The following FAT3 variants were observed in gnomAD, a reference collection of about 807,000 sequenced individuals.
FAT3 encodes FAT atypical cadherin 3.
FAT3 carries 95 observed loss-of-function variants against 310.2 expected under a neutral mutation model. The observed-to-expected ratio is 0.31, with a 90% CI of 0.26 to 0.36. The LOEUF (loss-of-function observed/expected upper bound fraction) is 0.36. FAT3 is among the 10% of genes least tolerant of loss of function. The pLI, the probability that FAT3 is intolerant of heterozygous loss-of-function variation, is 1.00. For missense variants in FAT3, 5,408 were observed against 5,715.6 expected (o/e 0.95, Z 1.74); for synonymous variants, 2,314 against 2,192.9 (o/e 1.06, Z -1.54).
intron 3 of FAT3, among the ~76,000 whole-genome samples, chr11:92,592,572 G>C (rs995779800): frequency 6.6e-6 from 1 of 151,824 alleles, no homozygotes; most frequent in South Asian, 2.1e-4. Flanking sequence ...TGCCTGGCTC[G>C]CCCTCCCAAA....
chr11:92,558,895 G>A (rs1955117466), intron 3 of FAT3, among the ~76,000 whole-genome samples: 4 of 152,190 alleles, frequency 2.6e-5, no homozygotes, highest in Admixed American at 1.3e-4. Context: ...AAAGTCTTTG[G>A]TGCATAGTAA....
In FAT3 at chr11:92,800,649, A is replaced by G; in HGVS notation, c.7636A>G (p.Ile2546Val). Reference sequence around the variant, plus strand: ...TGACTTTGCCAAGGATCGATTCCTCATAGACAGCAATGGGCAGGTCATCAC... The same window carrying G: ...TGACTTTGCCAAGGATCGATTCCTCGTAGACAGCAATGGGCAGGTCATCAC... ...INDFAKDRFL[I>V]DSNGQVITTE... The change falls in exon 10 of 28, where the codon ATA (isoleucine) becomes GTA (valine). Residue 2546 changes from isoleucine (I) to valine (V), a missense_variant. Physicochemically the swap from Ile to Val is conservative, Grantham distance 29. This residue lies in a region of FAT3 where 4,588 missense variants were observed against 4,809.8 expected (regional missense o/e 0.95). Transcript: ENST00000525166. The G allele has an allele frequency of 4.3e-6, 7 of 1,613,782 alleles. No individual in the cohort carries two copies. Among genetic ancestry groups the G allele is most frequent in the Non-Finnish European group, 5.9e-6 (7 of 1,179,826 alleles).
intron 2 of FAT3, among the ~76,000 whole-genome samples, chr11:92,513,579 A>G (rs1471515776): frequency 6.6e-6 from 1 of 152,202 alleles, no homozygotes; most frequent in African/African-American, 2.4e-5. Flanking sequence ...TAAACAGTGC[A>G]GGGAACTCTC....
intron 2 of FAT3, among the ~76,000 whole-genome samples, chr11:92,412,730 T>TATATATACAC (rs1555038572): frequency 5.2e-4 from 12 of 22,886 alleles, no homozygotes; most frequent in South Asian, 2.0e-3. Context: ...TATATATATA[T>TATATATACAC]ATATATATAT....
intron 2 of FAT3, among the ~76,000 whole-genome samples, chr11:92,396,398 C>T (rs1429635122): frequency 1.3e-5 from 2 of 152,136 alleles, no homozygotes; most frequent in Non-Finnish European, 1.5e-5. Flanking sequence ...TTATCTAAGC[C>T]AGAGGGGCAG....
intron 1 of FAT3, among the ~76,000 whole-genome samples, chr11:92,265,843 A>C (rs1945930416): frequency 6.6e-6 from 1 of 151,970 alleles, no homozygotes; most frequent in Non-Finnish European, 1.5e-5. Context: ...CACCTCCTAA[A>C]GGTCCCACCT....
intron 2 of FAT3, among the ~76,000 whole-genome samples, chr11:92,435,906 G>A (rs568646004): frequency 2.0e-5 from 3 of 151,914 alleles, no homozygotes; most frequent in African/African-American, 7.2e-5. Flanking sequence ...CTAGTACCCT[G>A]GTAAGTGCTG....
At chr11:92,377,221 G>A (rs575338615) in intron 2 of FAT3, among the ~76,000 whole-genome samples, 7 of 152,272 alleles carry the variant, frequency 4.6e-5, no homozygotes, top group African/African-American at 1.7e-4. Flanking sequence ...ACGTATAATG[G>A]CTAAGAGTTT....
At chr11:92,598,244 T>TTTA (rs1939823078) in intron 3 of FAT3, among the ~76,000 whole-genome samples, 1 of 147,632 alleles carries the variant, frequency 6.8e-6, no homozygotes, top group African/African-American at 2.5e-5. Flanking sequence ...TTTTTTTTTT[T>TTTA]GAGACAAAGT....
At chr11:92,225,415 G>C (rs955764876) in intron 1 of FAT3, among the ~76,000 whole-genome samples, 3 of 152,192 alleles carry the variant, frequency 2.0e-5, no homozygotes. Flanking sequence ...CCCGCGGCGG[G>C]AGCCGGGAGG....
At chr11:92,874,856 C>G (rs1949491687) in intron 22 of FAT3, among the ~76,000 whole-genome samples, 1 of 152,090 alleles carries the variant, frequency 6.6e-6, no homozygotes. Flanking sequence ...CGCTCTTGAA[C>G]AAACAGCTTA....
At chr11:92,539,728 C>T (rs183227350) in intron 3 of FAT3, among the ~76,000 whole-genome samples, 4 of 152,128 alleles carry the variant, frequency 2.6e-5, no homozygotes, top group Admixed American at 2.6e-4. Flanking sequence ...TATCTGTGCC[C>T]AGGGTTATTC....
intron 4 of FAT3, among the ~76,000 whole-genome samples, chr11:92,760,960 A>G (rs1210045725): frequency 6.6e-6 from 1 of 152,228 alleles, no homozygotes; most frequent in African/African-American, 2.4e-5. Context: ...AGAGAGAAAT[A>G]GAAAAATATT....
intron 4 of FAT3, 66 bp downstream of exon 4, chr11:92,697,511 C>A: frequency 1.4e-6 from 2 of 1,386,202 alleles, no homozygotes; most frequent in Non-Finnish European, 2.1e-6. Flanking sequence ...TAACCTTCAA[C>A]ATAAACTACA....
chr11:92,696,121 C>CGTGT (rs1943933390), intron 3 of FAT3, among the ~76,000 whole-genome samples: 4 of 150,850 alleles, frequency 2.7e-5, no homozygotes, highest in African/African-American at 9.8e-5. Context: ...ATATATATAC[C>CGTGT]ATGTGTATAT....
At chr11:92,825,470 C>T (rs1948078656) in intron 13 of FAT3, among the ~76,000 whole-genome samples, 7 of 152,012 alleles carry the variant, frequency 4.6e-5, no homozygotes. Context: ...CAGAGGAGAC[C>T]CTGCAAAGCA....
chr11:92,503,220 G>A (rs1952998724), intron 2 of FAT3, among the ~76,000 whole-genome samples: 1 of 151,948 alleles, frequency 6.6e-6, no homozygotes, highest in Non-Finnish European at 1.5e-5. Context: ...CATAGATTTT[G>A]GAAAATAATG....
intron 1 of FAT3, among the ~76,000 whole-genome samples, chr11:92,296,435 A>T (rs896902031): frequency 6.6e-6 from 1 of 152,088 alleles, no homozygotes; most frequent in African/African-American, 2.4e-5. Flanking sequence ...TCATTATACT[A>T]GGTATAAAGG....
At chr11:92,826,328 G>T (rs17615856) in intron 13 of FAT3, among the ~76,000 whole-genome samples, 6 of 152,186 alleles carry the variant, frequency 3.9e-5, no homozygotes, top group African/African-American at 1.4e-4. Flanking sequence ...CCAAGCCTGG[G>T]TCATAAAGAC....
Sources: allele counts gnomAD v4.1 joint callset (sites outside exome capture counted in the v4.1 genomes callset), GRCh38; gene constraint gnomAD v4.1.1; regional missense constraint gnomAD v4.1.1; transcripts MANE v1.5; gene names NCBI Gene and HGNC (gene_info 2026-07-23, HGNC 2026-07-21).